Variants in STX18 observed in about 807,000 individuals in gnomAD.
STX18 encodes the protein syntaxin 18, also known as syntaxin-18.
STX18 carries 40 observed loss-of-function variants against 50.1 expected under a neutral mutation model. The observed-to-expected ratio is 0.80, with a 90% CI of 0.62 to 1.04. The LOEUF (loss-of-function observed/expected upper bound fraction) is 1.04. Ranked by LOEUF, STX18 falls within the 50% of genes least tolerant of loss-of-function variation. The pLI, the probability that STX18 is intolerant of heterozygous loss-of-function variation, is 0.00. For synonymous variants in STX18, 158 were observed against 151.8 expected, an observed-to-expected ratio of 1.04 and a Z score of -0.30; for missense variants, 410 against 415.8, an observed-to-expected ratio of 0.99 and a Z score of 0.12.
chr4:4,478,637 C>G (rs1728313237), intron 1 of STX18: 1 of 152,218 alleles, frequency 6.6e-6, no homozygotes, highest in African/African-American at 2.4e-5. Flanking sequence ...GCCAAGGTGC[C>G]TGGGTTCTAC....
At chr4:4,533,446 T>C (rs2108926957) in intron 1 of STX18, among the ~76,000 whole-genome samples, 1 of 152,232 alleles carries the variant, frequency 6.6e-6, no homozygotes, top group East Asian at 1.9e-4. Flanking sequence ...TTCTATCCCC[T>C]GAAAAAGAGA....
chr4:4,420,766 A>T lies in STX18; in HGVS notation c.912+98T>A. 8.7e-7 allele frequency: 1 copy of T among 1,144,492 alleles called. No homozygotes were observed. The highest frequency in any genetic ancestry group is 1.3e-6 in the Non-Finnish European group (1 of 762,470). 70.9% of individuals were successfully genotyped at this position (1,144,492 alleles called of 1,614,324 possible). On this transcript the variant is annotated intron_variant, in intron 10 of 10. Transcript: ENST00000306200. This position sits in a 1 kb window ranked among gnomAD's most constrained non-coding sequence, Gnocchi z 4.3. ...GTGATCAGCCCCGTGAGCTCTGCCC[A>T]GCAAGGCTCCTGGGCAGCTGTGCCG... is the stretch of plus-strand genomic sequence containing the variant.
At chr4:4,522,233 A>G (rs1020787948) in intron 1 of STX18, among the ~76,000 whole-genome samples, 19 of 152,324 alleles carry the variant, frequency 1.2e-4, no homozygotes, top group African/African-American at 4.6e-4. Context: ...CCACCCCATC[A>G]TTTAAAAATG....
intron 1 of STX18, among the ~76,000 whole-genome samples, chr4:4,526,344 G>C (rs1200607230): frequency 6.6e-6 from 1 of 152,176 alleles, no homozygotes. Flanking sequence ...ACTGTGCTCT[G>C]TGCTGTGAGG....
intron 1 of STX18, among the ~76,000 whole-genome samples, chr4:4,532,716 T>C (rs1731159053): frequency 6.6e-6 from 1 of 152,246 alleles, no homozygotes. Flanking sequence ...AGTAAGCTAT[T>C]GGCAAAGGCC....
chr4:4,470,541 A>G (rs1727858984), intron 2 of STX18, among the ~76,000 whole-genome samples: 1 of 152,238 alleles, frequency 6.6e-6, no homozygotes, highest in Non-Finnish European at 1.5e-5. Flanking sequence ...TGACAAAGAC[A>G]GATAATAAAC....
intron 1 of STX18, among the ~76,000 whole-genome samples, chr4:4,519,084 C>T (rs1730405478): frequency 6.6e-6 from 1 of 152,158 alleles, no homozygotes; most frequent in Admixed American, 6.5e-5. Flanking sequence ...AATAAAATAT[C>T]ATACATAAGC....
At chr4:4,536,213 T>A (rs1281711047) in intron 1 of STX18, among the ~76,000 whole-genome samples, 1 of 152,248 alleles carries the variant, frequency 6.6e-6, no homozygotes, top group Non-Finnish European at 1.5e-5. Context: ...AGAACTGCAA[T>A]GAGCCTTGGA....
chr4:4,514,132 T>C (rs558524223), intron 1 of STX18, among the ~76,000 whole-genome samples: 27 of 152,306 alleles, frequency 1.8e-4, no homozygotes, highest in Admixed American at 1.0e-3. Context: ...ACCTTGAAAG[T>C]AGTAAGTATT....
At chr4:4,425,440 A>G (rs1177262740) in intron 7 of STX18, 1 of 600,460 alleles carries the variant, frequency 1.7e-6, no homozygotes, top group African/African-American at 1.9e-5. Flanking sequence ...CTGGTAATTG[A>G]CTTCTCCATC....
intron 1 of STX18, among the ~76,000 whole-genome samples, chr4:4,529,164 C>G (rs1187149319): frequency 6.6e-6 from 1 of 152,154 alleles, no homozygotes; most frequent in African/African-American, 2.4e-5. Context: ...GAGATCGAGA[C>G]TATCCTGGCT....
At chr4:4,529,862 G>A (rs1173240952) in intron 1 of STX18, among the ~76,000 whole-genome samples, 1 of 152,150 alleles carries the variant, frequency 6.6e-6, no homozygotes, top group Non-Finnish European at 1.5e-5. Flanking sequence ...TTATGCTTTA[G>A]AATAACAACC....
chr4:4,504,944 C>T (rs929891758), intron 1 of STX18, among the ~76,000 whole-genome samples: 2 of 152,038 alleles, frequency 1.3e-5, no homozygotes, highest in African/African-American at 4.8e-5. Flanking sequence ...ACATAGCAAA[C>T]AATTCATCCA....
rs1560153321 is a variant in STX18 at position 4,420,697 on chromosome 4, G to A, written c.912+167C>T. 4 of 629,554 alleles carry A rather than the reference G, an allele frequency of 6.4e-6. No homozygotes were observed. In the South Asian group the frequency reaches 7.7e-5, roughly 12 times the overall value. 39.0% of individuals were successfully genotyped at this position (629,554 alleles called of 1,614,324 possible). A position where few individuals can be genotyped will look rare whatever the true frequency, so the allele number is the denominator to read the frequency against. The stretch of plus-strand genomic sequence containing the variant: ...AAGCAGCTGGAGGTGGGCGACAGGT[G>A]GTGGGTCTCATGAACACACGCAGCT... On this transcript the variant is annotated intron_variant, in intron 10 of 10. Coordinates refer to ENST00000306200, the MANE Select transcript of STX18 (RefSeq NM_016930.4). The surrounding 1 kb of genome is among the most constrained non-coding windows in gnomAD (Gnocchi z 4.3).
intron 2 of STX18, among the ~76,000 whole-genome samples, chr4:4,464,211 G>A (rs917686378): frequency 6.6e-6 from 1 of 152,012 alleles, no homozygotes; most frequent in Admixed American, 6.6e-5. Flanking sequence ...TGAGTCCTAC[G>A]GTAAAATGCC....
intron 5 of STX18, among the ~76,000 whole-genome samples, chr4:4,446,649 T>G (rs549643660): frequency 6.6e-6 from 1 of 152,222 alleles, no homozygotes; most frequent in Non-Finnish European, 1.5e-5. Flanking sequence ...AAATGGCCAA[T>G]GCCAAATCCT....
chr4:4,514,568 A>C (rs1470189625), intron 1 of STX18, among the ~76,000 whole-genome samples: 3 of 152,246 alleles, frequency 2.0e-5, no homozygotes, highest in African/African-American at 7.2e-5. Context: ...AACAAGGAGC[A>C]AGTGCCTGTC....
At chr4:4,434,360 T>C (rs1725672757) in intron 7 of STX18, among the ~76,000 whole-genome samples, 1 of 152,224 alleles carries the variant, frequency 6.6e-6, no homozygotes, top group Non-Finnish European at 1.5e-5. Context: ...AAGGAGGTGC[T>C]ATCAGTAGTT....
At chr4:4,487,292 G>A (rs1279321817) in intron 1 of STX18, among the ~76,000 whole-genome samples, 1 of 152,222 alleles carries the variant, frequency 6.6e-6, no homozygotes, top group Non-Finnish European at 1.5e-5. Context: ...TGGGGAGACT[G>A]AGTGCACCAT....
Sources: gnomAD v4.1 joint callset for allele counts (sites outside exome capture counted in the v4.1 genomes callset) on GRCh38, gnomAD v4.1.1 for gene constraint, Gnocchi (gnomAD v3.1) non-coding constraint, MANE v1.5 for transcripts, NCBI Gene and HGNC (gene_info 2026-07-23, HGNC 2026-07-21) for gene names.